The following SLC35F4 variants were observed in gnomAD, a reference collection of about 807,000 sequenced individuals.
SLC35F4 encodes the protein solute carrier family 35 member F4.
SLC35F4 carries 24 observed loss-of-function variants against 44.2 expected under a neutral mutation model. The ratio of observed to expected loss-of-function variants is 0.54; its 90% CI spans 0.39 to 0.76. The LOEUF (loss-of-function observed/expected upper bound fraction) is 0.76. Ranked by LOEUF, SLC35F4 falls within the 30% of genes least tolerant of loss-of-function variation. The pLI is 0.00. For missense variants in SLC35F4, 562 were observed against 586.1 expected (o/e 0.96, Z 0.42); for synonymous variants, 238 against 223.6 (o/e 1.06, Z -0.57).
At chr14:57,715,158 G>A (rs1287032275) in intron 1 of SLC35F4, among the ~76,000 whole-genome samples, 1 of 152,106 alleles carries the variant, frequency 6.6e-6, no homozygotes, top group African/African-American at 2.4e-5. Flanking sequence ...AGTCTGCAGG[G>A]TTATAGGGGG....
At chr14:57,631,719 T>A (rs1349669466) in intron 1 of SLC35F4, among the ~76,000 whole-genome samples, 1 of 152,148 alleles carries the variant, frequency 6.6e-6, no homozygotes, top group African/African-American at 2.4e-5. Flanking sequence ...TCTTCTGAGT[T>A]TTTGATTATC....
At chr14:57,582,098 G>T (rs962606069) in intron 3 of SLC35F4, among the ~76,000 whole-genome samples, 1 of 152,150 alleles carries the variant, frequency 6.6e-6, no homozygotes, top group Admixed American at 6.5e-5. Context: ...TGAGAAAATG[G>T]TCACTTCAAT....
At chr14:57,961,906 T>C (rs1339826788) in intron 1 of SLC35F4, among the ~76,000 whole-genome samples, 1 of 152,212 alleles carries the variant, frequency 6.6e-6, no homozygotes, top group Non-Finnish European at 1.5e-5. Flanking sequence ...TACTTACTTA[T>C]CAGTGTGAGT....
chr14:57,920,664 T>C (rs185642448), intron 1 of SLC35F4, among the ~76,000 whole-genome samples: 57 of 152,314 alleles, frequency 3.7e-4, no homozygotes, highest in African/African-American at 1.3e-3. Flanking sequence ...CCAGTCAACA[T>C]TTCTCCCCCT....
At chr14:57,815,398 C>T (rs1329277087) in intron 1 of SLC35F4, among the ~76,000 whole-genome samples, 1 of 152,120 alleles carries the variant, frequency 6.6e-6, no homozygotes, top group Non-Finnish European at 1.5e-5. Flanking sequence ...TGGGTCTTCC[C>T]CTTGATATTG....
intron 1 of SLC35F4, among the ~76,000 whole-genome samples, chr14:57,859,331 C>T (rs745351598): frequency 1.8e-4 from 27 of 152,012 alleles, no homozygotes; most frequent in African/African-American, 4.6e-4. Flanking sequence ...AAGCCACTTG[C>T]GTGTGTCCAT....
At chr14:57,686,928 T>G (rs2075084213) in intron 1 of SLC35F4, among the ~76,000 whole-genome samples, 1 of 151,776 alleles carries the variant, frequency 6.6e-6, no homozygotes, top group Non-Finnish European at 1.5e-5. Context: ...GTGATAGTAT[T>G]TAGAGATAAG....
chr14:57,936,104 A>G (rs1399239757), intron 1 of SLC35F4, among the ~76,000 whole-genome samples: 1 of 152,244 alleles, frequency 6.6e-6, no homozygotes, highest in African/African-American at 2.4e-5. Flanking sequence ...AATTTCATAC[A>G]AAATAGATAT....
At chr14:57,768,638 T>C (rs2140665782) in intron 1 of SLC35F4, among the ~76,000 whole-genome samples, 1 of 152,352 alleles carries the variant, frequency 6.6e-6, no homozygotes, top group African/African-American at 2.4e-5. Flanking sequence ...TTTCTCTTTA[T>C]TTGCTTGCAT....
intron 1 of SLC35F4, among the ~76,000 whole-genome samples, chr14:57,852,666 G>T (rs186615904): frequency 6.6e-6 from 1 of 152,176 alleles, no homozygotes; most frequent in African/African-American, 2.4e-5. Context: ...ATGCAGTACC[G>T]CTTCTTCAGA....
intron 1 of SLC35F4, among the ~76,000 whole-genome samples, chr14:57,620,111 A>T (rs1472726299): frequency 6.6e-6 from 1 of 152,194 alleles, no homozygotes; most frequent in African/African-American, 2.4e-5. Context: ...TAGTTGGAAA[A>T]CACTCTTCAG....
At chr14:57,629,125 C>G (rs17093471) in intron 1 of SLC35F4, among the ~76,000 whole-genome samples, 3 of 152,102 alleles carry the variant, frequency 2.0e-5, no homozygotes, top group African/African-American at 7.2e-5. Context: ...TTGTCTTGTT[C>G]TCAGTGCTTC....
chr14:57,692,780 A>C (rs556681873), intron 1 of SLC35F4, among the ~76,000 whole-genome samples: 67 of 152,102 alleles, frequency 4.4e-4, no homozygotes, highest in African/African-American at 1.6e-3. Context: ...AAAAACCCTT[A>C]CTTATAATCC....
At chr14:57,745,658 C>T (rs931799329) in intron 1 of SLC35F4, among the ~76,000 whole-genome samples, 5 of 152,170 alleles carry the variant, frequency 3.3e-5, no homozygotes, top group South Asian at 4.1e-4. Context: ...AGTTCAACCA[C>T]TGTGGAAGGC....
upstream of SLC35F4, among the ~76,000 whole-genome samples, chr14:57,870,094 T>C (rs752174942): frequency 2.6e-5 from 4 of 152,012 alleles, no homozygotes; most frequent in African/African-American, 7.2e-5. Flanking sequence ...TTTCAACATA[T>C]ATATTCAAAT....
At chr14:57,574,719 T>C (rs2068690730) in intron 4 of SLC35F4, among the ~76,000 whole-genome samples, 1 of 152,114 alleles carries the variant, frequency 6.6e-6, no homozygotes, top group South Asian at 2.1e-4. Flanking sequence ...ATCTTGAAAA[T>C]GAGGAAAAAT....
chr14:57,697,854 C>T lies in SLC35F4; in HGVS notation c.104-103730G>A, dbSNP rs76198397. ...GTATGGGTGTATACATATAGACATA[C>T]ACAATCACAAATGGAGAATCATACT... On this transcript the variant is annotated intron_variant, in intron 1 of 7. Coordinates refer to ENST00000556826, the MANE Select transcript of SLC35F4 (RefSeq NM_001306087.2). Among the ~76,000 whole-genome samples the T allele has an allele frequency of 8.5e-5, 13 of 152,258 alleles. No individual in the cohort carries two copies. In the East Asian group the frequency reaches 2.5e-3, roughly 29 times the overall value.
chr14:57,661,569 C>T (rs1435817130), intron 1 of SLC35F4, among the ~76,000 whole-genome samples: 1 of 152,112 alleles, frequency 6.6e-6, no homozygotes, highest in Non-Finnish European at 1.5e-5. Flanking sequence ...AGAAGCAATC[C>T]AACCCTACTG....
At chr14:57,945,001 CA>C (rs1484085418) in intron 1 of SLC35F4, among the ~76,000 whole-genome samples, 1 of 151,976 alleles carries the variant, frequency 6.6e-6, no homozygotes, top group African/African-American at 2.4e-5. Flanking sequence ...TTGTTATTGA[CA>C]AAGATAAGTA....
Sources: gnomAD v4.1 joint callset for allele counts (sites outside exome capture counted in the v4.1 genomes callset) on GRCh38, gnomAD v4.1.1 for gene constraint, MANE v1.5 for transcripts, NCBI Gene and HGNC (gene_info 2026-07-23, HGNC 2026-07-21) for gene names.